Variants in TBC1D22B observed in about 807,000 individuals in gnomAD.
The protein encoded by TBC1D22B is chromosome 6 open reading frame 197.
Under a neutral mutation model 69.1 loss-of-function variants are expected in TBC1D22B, and 32 were observed. That is an observed-to-expected ratio of 0.46 (90% CI 0.35 to 0.62). The LOEUF (loss-of-function observed/expected upper bound fraction) is 0.62. TBC1D22B is among the 20% of genes least tolerant of loss of function. The pLI, the probability that TBC1D22B is intolerant of heterozygous loss-of-function variation, is 0.00. For synonymous variants in TBC1D22B, 206 were observed against 229.8 expected, an observed-to-expected ratio of 0.90 and a Z score of 0.94; for missense variants, 462 against 630.9, an observed-to-expected ratio of 0.73 and a Z score of 2.87.
intron 8 of TBC1D22B, among the ~76,000 whole-genome samples, chr6:37,299,902 G>A (rs1179609012): frequency 2.0e-5 from 3 of 151,608 alleles, no homozygotes; most frequent in African/African-American, 4.9e-5. Flanking sequence ...TCAGCTACTC[G>A]GGAGGCTGAG....
intron 8 of TBC1D22B, among the ~76,000 whole-genome samples, chr6:37,293,183 T>A (rs1767247694): frequency 6.6e-6 from 1 of 151,822 alleles, no homozygotes; most frequent in African/African-American, 2.4e-5. Context: ...GTTCAAGCGA[T>A]TCTTGTGCCT....
At chr6:37,324,713 C>T (rs1768343397) in intron 12 of TBC1D22B, among the ~76,000 whole-genome samples, 1 of 152,086 alleles carries the variant, frequency 6.6e-6, no homozygotes, top group Admixed American at 6.5e-5. Flanking sequence ...TATGACTTCT[C>T]TTCTTTTTGT....
chr6:37,320,259 C>T lies in TBC1D22B; in HGVS notation c.1389+3053C>T, dbSNP rs115290661. Among the ~76,000 whole-genome samples the T allele has an allele frequency of 9.6e-3, 1,458 of 152,152 alleles. 26 individuals are homozygous for T. Among genetic ancestry groups the T allele is most frequent in the African/African-American group, 0.032 (1,313 of 41,502 alleles). On this transcript the variant is annotated intron_variant, in intron 12 of 12. Coordinates refer to ENST00000373491, the MANE Select transcript of TBC1D22B (RefSeq NM_017772.4). ...GTGGTTAAACCATGGTCTTTGGAGC[C>T]AGACTGCCTGGGGTCGGATCCCAGC...
chr6:37,295,686 A>G, intron 8 of TBC1D22B: 1 of 396,516 alleles, frequency 2.5e-6, no homozygotes, highest in Non-Finnish European at 5.1e-6. Context: ...GCTGAGATTT[A>G]ATTCCTGGCT....
At position 37,282,872 on chromosome 6, in the gene TBC1D22B, C is replaced by G; in HGVS notation, c.602-10C>G. On this transcript the variant is annotated splice_polypyrimidine_tract_variant and intron_variant, in intron 4 of 12. Transcript: ENST00000373491. ...AGAGTTAACCTAACAAGGCTGTTTT[C>G]TATTTACAGATGAACTGAGGAAGTG... 6.2e-7 allele frequency: 1 copy of G among 1,614,020 alleles called. No individual in the cohort carries two copies. The highest frequency in any genetic ancestry group is 8.5e-7 in the Non-Finnish European group (1 of 1,179,916).
chr6:37,293,220 G>A (rs9349035), intron 8 of TBC1D22B, among the ~76,000 whole-genome samples: 27,271 of 151,672 alleles, frequency 0.18, 2,657 homozygotes, highest in Non-Finnish European at 0.21. Context: ...TGGGACTACA[G>A]GCGCCTGCCA....
chr6:37,270,535 A>G (rs410711), intron 2 of TBC1D22B, among the ~76,000 whole-genome samples: 136,186 of 152,192 alleles, frequency 0.89, 60,972 homozygotes, highest in Middle Eastern at 0.95. Context: ...ATTTTCAAGC[A>G]CAACAGAGAC....
Position 37,312,975 on chromosome 6 carries a change from T to C in TBC1D22B, c.1040T>C (p.Ile347Thr), listed in dbSNP as rs1350898221. The C allele has an allele frequency of 6.2e-7, 1 of 1,614,206 alleles. No individual in the cohort carries two copies. Among genetic ancestry groups the C allele is most frequent in the Admixed American group, 1.7e-5 (1 of 60,028 alleles). ...TNLSQDMLRSIEADSFWCMSK... is the reference protein window; with the variant it reads ...TNLSQDMLRSTEADSFWCMSK... ...TTGTCTCAAGACATGCTGCGAAGCATTGAGGCTGACAGCTTTTGGTGCATG... is the reference window on the plus strand; with the variant it reads ...TTGTCTCAAGACATGCTGCGAAGCACTGAGGCTGACAGCTTTTGGTGCATG... The change falls in exon 9 of 13, where the codon ATT (isoleucine) becomes ACT (threonine). Residue 347 changes from isoleucine (I) to threonine (T), a missense_variant. This residue lies in a region of TBC1D22B where 225 missense variants were observed against 375.4 expected (regional missense o/e 0.60). Coordinates refer to ENST00000373491, the MANE Select transcript of TBC1D22B (RefSeq NM_017772.4).
chr6:37,288,344 G>A (rs1312600204), intron 7 of TBC1D22B, among the ~76,000 whole-genome samples: 1 of 152,146 alleles, frequency 6.6e-6, no homozygotes, highest in African/African-American at 2.4e-5. Context: ...TTTTAACTTG[G>A]AGATGTTCAG....
chr6:37,277,444 G>T (rs1237651722), intron 2 of TBC1D22B, among the ~76,000 whole-genome samples: 1 of 151,280 alleles, frequency 6.6e-6, no homozygotes, highest in Non-Finnish European at 1.5e-5. Flanking sequence ...TTTGATTTGG[G>T]TACTTGTCTC....
chr6:37,273,831 A>G (rs1364135493), intron 2 of TBC1D22B, among the ~76,000 whole-genome samples: 1 of 152,206 alleles, frequency 6.6e-6, no homozygotes, highest in Non-Finnish European at 1.5e-5. Flanking sequence ...TACCTTTGTT[A>G]GGACATTTTT....
rs563033904 is a variant in TBC1D22B, at chr6:37,292,487, C to T, written c.982+1130C>T. On this transcript the variant is annotated intron_variant, in intron 8 of 12. Transcript: ENST00000373491. ...TTTTTACATATCCTCCCCACCCCCC[C>T]GCCTTAATAGATCAACTTTTGGAAG... Among the ~76,000 whole-genome samples the T allele has an allele frequency of 2.0e-5, 3 of 152,104 alleles. No homozygotes were observed. In the South Asian group the frequency reaches 6.2e-4, roughly 32 times the overall value.
chr6:37,307,235 C>CT (rs1767749655), intron 8 of TBC1D22B, among the ~76,000 whole-genome samples: 3 of 151,930 alleles, frequency 2.0e-5, no homozygotes, highest in Non-Finnish European at 1.5e-5. Context: ...CTTAAAACTG[C>CT]TTTTTTCTGA....
In TBC1D22B at chr6:37,332,508, C is replaced by T. The variant is rs2295243; in HGVS notation, c.*1336C>T. 14,975 of 152,550 alleles carry T rather than the reference C, an allele frequency of 0.098. 1,882 individuals are homozygous for T. The highest frequency in any genetic ancestry group is 0.29 in the African/African-American group (12,147 of 41,368). The allele number at this position is 152,550 out of a possible 1,614,324, so 9.4% of individuals were successfully genotyped here. ...TTGTGTGTCCCTCGGGTTTGGGGCT[C>T]TTCTCAGAGAGCAGCACTCCATATC... On this transcript the variant is annotated 3_prime_UTR_variant, in exon 13 of 13. Transcript: ENST00000373491.
At chr6:37,275,337 A>AT (rs1027813405) in intron 2 of TBC1D22B, among the ~76,000 whole-genome samples, 2,380 of 148,494 alleles carry the variant, frequency 0.016, 61 homozygotes, top group African/African-American at 0.052. Flanking sequence ...ACAAGTTGAG[A>AT]TTTTTTTTTT....
intron 12 of TBC1D22B, among the ~76,000 whole-genome samples, chr6:37,319,609 G>T (rs1390939381): frequency 6.6e-6 from 1 of 152,190 alleles, no homozygotes; most frequent in African/African-American, 2.4e-5. Context: ...CAGCATTGGA[G>T]GCTATTGTCT....
In TBC1D22B at chr6:37,257,775, T is replaced by C; in HGVS notation, c.-143T>C. The C allele has an allele frequency of 5.6e-6, 5 of 894,352 alleles. No homozygotes were observed. Among genetic ancestry groups the C allele is most frequent in the Non-Finnish European group, 6.9e-6 (4 of 581,594 alleles). The allele number at this position is 894,352 out of a possible 1,614,324, so 55.4% of individuals were successfully genotyped here. On this transcript the variant is annotated 5_prime_UTR_variant, in exon 1 of 13. Transcript: ENST00000373491. ...GGTGCTGGGTGGAGGGGTGCCCACA[T>C]CCAAGATGGCGTCCCCAGGAGCTGG...
chr6:37,272,723 C>T (rs61035057), intron 2 of TBC1D22B, among the ~76,000 whole-genome samples: 4,850 of 152,226 alleles, frequency 0.032, 243 homozygotes, highest in African/African-American at 0.11. Context: ...TCTGTGATAT[C>T]TGTGTGATCG....
At chr6:37,281,782 T>G (rs567956859) in intron 3 of TBC1D22B, among the ~76,000 whole-genome samples, 55 of 152,366 alleles carry the variant, frequency 3.6e-4, no homozygotes, top group African/African-American at 1.3e-3. Context: ...AACTCACTAT[T>G]TGGCACCAAG....
Sources: gnomAD v4.1 joint callset for allele counts (sites outside exome capture counted in the v4.1 genomes callset) on GRCh38, gnomAD v4.1.1 for gene constraint, gnomAD v4.1.1 regional missense constraint, MANE v1.5 for transcripts, NCBI Gene and HGNC (gene_info 2026-07-23, HGNC 2026-07-21) for gene names.